KCNV2: variants seen among roughly 807,000 people sequenced by gnomAD.
The protein encoded by KCNV2 is potassium voltage-gated channel modifier subfamily V member 2.
A neutral mutation model predicts 37.0 loss-of-function variants in KCNV2; 65 were observed. The observed-to-expected ratio is 1.76, with a 90% CI of 1.44 to 2.16. KCNV2 has a LOEUF of 2.16. Among genes scored for constraint, KCNV2 ranks in the 30% most tolerant of loss-of-function variants. The pLI is 0.00. For synonymous variants in KCNV2, 518 were observed against 328.6 expected (o/e 1.58, Z -6.23); for missense variants, 1,232 against 766.7 (o/e 1.61, Z -7.17).
At chr9:2,726,636 A>C (rs1284975765) in intron 1 of KCNV2, among the ~76,000 whole-genome samples, 1 of 152,020 alleles carries the variant, frequency 6.6e-6, no homozygotes, top group East Asian at 1.9e-4. Context: ...CCCTTAAGTG[A>C]CTTGTTTCCT....
At position 2,719,112 on chromosome 9, in the gene KCNV2, T is replaced by G. The variant is rs568111360; in HGVS notation, c.1356+17T>G. 3.7e-5 allele frequency: 59 copies of G among 1,605,106 alleles called. 1 individual carries two copies. In the South Asian group the frequency reaches 6.3e-4, roughly 17 times the overall value. ...TGGGCCGCGGTGAGTACCTTTGCCCTGGGCTTTCCCATCCTCTTCCCCAGC... is the reference window on the plus strand; with the variant it reads ...TGGGCCGCGGTGAGTACCTTTGCCCGGGGCTTTCCCATCCTCTTCCCCAGC... On this transcript the variant is annotated intron_variant, in intron 1 of 1. Transcript: ENST00000382082.
Position 2,717,875 on chromosome 9 carries a change from T to C in KCNV2, c.136T>C (p.Trp46Arg), listed in dbSNP as rs140834504. The change falls in exon 1 of 2, where the codon TGG becomes CGG. Residue 46 changes from tryptophan (W) to arginine (R), a missense_variant. Trp to Arg is a moderately radical substitution (Grantham distance 101, BLOSUM62 -3). Transcript: ENST00000382082. ...CGGCTCCCAGGCCAGCATCCACGGC[T>C]GGACAGAGGGCAACTATAACTACTA... ...RSGSQASIHG[W>R]TEGNYNYYIE... 7 of 1,614,044 alleles carry C rather than the reference T, an allele frequency of 4.3e-6. No individual in the cohort carries two copies. The Admixed American group carries it at 6.7e-5, about 15-fold the overall frequency.
Position 2,718,079 on chromosome 9 carries a change from G to T in KCNV2, c.340G>T (p.Glu114Ter). 1.2e-6 allele frequency: 2 copies of T among 1,601,388 alleles called. No homozygotes were observed. The highest frequency in any genetic ancestry group is 1.7e-6 in the Non-Finnish European group (2 of 1,173,700). Residue 114 changes from glutamate to a stop codon, truncating the protein, a stop_gained, in exon 1 of 2, where the codon GAG (glutamate) becomes TAG (stop). Coordinates refer to ENST00000382082, the MANE Select transcript of KCNV2 (RefSeq NM_133497.4). LOFTEE classifies it high-confidence loss of function. ...CCACAGCTACCAGCTGGACTACTGC[G>T]AGCTGGCCGGCTTCCCCAAGACGCG... is the stretch of plus-strand genomic sequence containing the variant. ...GGHSYQLDYC[E>*]LAGFPKTRLG... is the part of the protein sequence containing the mutation.
At chr9:2,724,436 T>C (rs185223960) in intron 1 of KCNV2, among the ~76,000 whole-genome samples, 1 of 152,300 alleles carries the variant, frequency 6.6e-6, no homozygotes. Context: ...AAATAGATAG[T>C]TGTTAGAAGA....
In KCNV2 at chr9:2,717,535, C is replaced by A; in HGVS notation, c.-205C>A. On this transcript the variant is annotated 5_prime_UTR_variant, in exon 1 of 2. Coordinates refer to ENST00000382082, the MANE Select transcript of KCNV2 (RefSeq NM_133497.4). ...AGAGCAGTCAACAGCTGACTGCGTT[C>A]AGACCCTGCAGGCTGGGCTGGCCTG... The A allele has an allele frequency of 1.6e-6, 1 of 616,594 alleles. No individual in the cohort carries two copies. Among genetic ancestry groups the A allele is most frequent in the South Asian group, 1.9e-5 (1 of 51,900 alleles). 38.2% of individuals were successfully genotyped at this position (616,594 alleles called of 1,614,324 possible).
rs374002838 is a variant in KCNV2 at position 2,717,706 on chromosome 9, G to A, written c.-34G>A. The A allele has an allele frequency of 3.1e-6, 5 of 1,613,882 alleles. No homozygotes were observed. The highest frequency in any genetic ancestry group is 1.3e-5 in the African/African-American group (1 of 74,932). ...AGGTGAGGGACCCCTACCACAGCCA[G>A]GAGGAAAAAGCTAGGCGTCCACTTT... On this transcript the variant is annotated 5_prime_UTR_variant, in exon 1 of 2. Coordinates refer to ENST00000382082, the MANE Select transcript of KCNV2 (RefSeq NM_133497.4).
intron 1 of KCNV2, among the ~76,000 whole-genome samples, chr9:2,719,719 A>G (rs12350920): frequency 0.046 from 6,959 of 152,302 alleles, 555 homozygotes; most frequent in African/African-American, 0.16. Context: ...TGAAGTACAG[A>G]GAGTTTGAAT....
At chr9:2,726,472 TTCAC>T (rs2130867161) in intron 1 of KCNV2, among the ~76,000 whole-genome samples, 1 of 152,256 alleles carries the variant, frequency 6.6e-6, no homozygotes, top group African/African-American at 2.4e-5. Context: ...CTTTTGACTT[TTCAC>T]TCAAAGTTCA....
At chr9:2,727,537 T>G (rs113437147) in intron 1 of KCNV2, among the ~76,000 whole-genome samples, 1,999 of 152,214 alleles carry the variant, frequency 0.013, 39 homozygotes, top group African/African-American at 0.046. Flanking sequence ...GGGAGAAGGA[T>G]ATTCTCTACT....
Position 2,717,658 on chromosome 9 carries a change from C to A in KCNV2, c.-82C>A. ...TCTAAGACAGTGCAGGCCACGTGAT[C>A]CATCCTCCTAGAGGCAGTGAGCAGG... On this transcript the variant is annotated 5_prime_UTR_variant, in exon 1 of 2. Coordinates refer to ENST00000382082, the MANE Select transcript of KCNV2 (RefSeq NM_133497.4). 6.3e-7 allele frequency: 1 copy of A among 1,576,358 alleles called. No homozygotes were observed. The highest frequency in any genetic ancestry group is 8.7e-7 in the Non-Finnish European group (1 of 1,147,896).
Position 2,729,863 on chromosome 9 carries a change from C to T in KCNV2, c.*136C>T. The T allele has an allele frequency of 7.9e-6, 7 of 886,210 alleles. No individual in the cohort carries two copies. Among genetic ancestry groups the T allele is most frequent in the Admixed American group, 4.1e-5 (2 of 49,070 alleles). The allele number at this position is 886,210 out of a possible 1,614,324, so 54.9% of individuals were successfully genotyped here. On this transcript the variant is annotated 3_prime_UTR_variant, in exon 2 of 2. Transcript: ENST00000382082. The stretch of plus-strand genomic sequence containing the variant: ...AGGCCATTTCGTTCACAAAGTACTG[C>T]CTCTAGAAATACTCATTTTGGCCCA...
intron 1 of KCNV2, among the ~76,000 whole-genome samples, chr9:2,719,565 G>A (rs1331076209): frequency 6.6e-6 from 1 of 152,104 alleles, no homozygotes; most frequent in East Asian, 1.9e-4. Context: ...GCTGAACCAT[G>A]TTGACTCTAA....
rs774058342 is a variant in KCNV2, at chr9:2,717,777, A to G, written c.38A>G (p.Tyr13Cys). The change falls in exon 1 of 2, where the codon TAC (tyrosine) becomes TGC (cysteine). Residue 13 changes from tyrosine to cysteine, a missense_variant. By Grantham distance (194) the Tyr-to-Cys change is radical. Transcript: ENST00000382082. ...KQSERRRSWSYRPWNTTENEG... is the reference protein window; with the variant it reads ...KQSERRRSWSCRPWNTTENEG... Reference sequence around the variant, plus strand: ...AGTGAGAGGAGACGGTCCTGGAGCTACAGGCCCTGGAACACGACGGAGAAT... The same window carrying G: ...AGTGAGAGGAGACGGTCCTGGAGCTGCAGGCCCTGGAACACGACGGAGAAT... 1.7e-5 allele frequency: 27 copies of G among 1,614,064 alleles called. 1 individual carries two copies. The Admixed American group carries it at 2.0e-4, about 12-fold the overall frequency.
In KCNV2 at chr9:2,730,006, G is replaced by C. The variant is rs746989765; in HGVS notation, c.*279G>C. The C allele has an allele frequency of 4.9e-6, 2 of 404,330 alleles. No homozygotes were observed. Among genetic ancestry groups the C allele is most frequent in the South Asian group, 7.6e-5 (2 of 26,372 alleles). The allele number at this position is 404,330 out of a possible 1,614,324, so 25.0% of individuals were successfully genotyped here. A position where few individuals can be genotyped will look rare whatever the true frequency, so the allele number is the denominator to read the frequency against. On this transcript the variant is annotated 3_prime_UTR_variant, in exon 2 of 2. Coordinates refer to ENST00000382082, the MANE Select transcript of KCNV2 (RefSeq NM_133497.4). ...TAGATTTTTCTTGTAGCTTCTCGTG[G>C]CATCTAGCTCAATAAATATTTTTGG...
At position 2,728,435 on chromosome 9, in the gene KCNV2, A is replaced by C. The variant is rs113399808; in HGVS notation, c.1357-1011A>C. 9.2e-3 allele frequency among the ~76,000 whole-genome samples: 1,407 copies of C among 152,342 alleles called. 19 individuals are homozygous for C. Among genetic ancestry groups the C allele is most frequent in the African/African-American group, 0.032 (1,340 of 41,578 alleles). On this transcript the variant is annotated intron_variant, in intron 1 of 1. Coordinates refer to ENST00000382082, the MANE Select transcript of KCNV2 (RefSeq NM_133497.4). ...AGGGAGTACATGAGGCATAAAAAAC[A>C]GTCCCCAAGGAATTTTCACAGGGTT...
chr9:2,724,565 G>C (rs1311976011), intron 1 of KCNV2, among the ~76,000 whole-genome samples: 1 of 152,216 alleles, frequency 6.6e-6, no homozygotes, highest in African/African-American at 2.4e-5. Context: ...AATGGGAAAA[G>C]GTGTTGCCAC....
chr9:2,722,318 A>T (rs1043969875), intron 1 of KCNV2, among the ~76,000 whole-genome samples: 2 of 130,774 alleles, frequency 1.5e-5, no homozygotes, highest in Non-Finnish European at 3.2e-5. Context: ...GTTATTTATA[A>T]ATAAATTAGA....
rs779220483 is a variant in KCNV2, at chr9:2,717,692, C to T, written c.-48C>T. Reference sequence around the variant, plus strand: ...TAGAGGCAGTGAGCAGGTGAGGGACCCCTACCACAGCCAGGAGGAAAAAGC... The same window carrying T: ...TAGAGGCAGTGAGCAGGTGAGGGACTCCTACCACAGCCAGGAGGAAAAAGC... On this transcript the variant is annotated 5_prime_UTR_variant, in exon 1 of 2. Coordinates refer to ENST00000382082, the MANE Select transcript of KCNV2 (RefSeq NM_133497.4). 2 of 1,613,046 alleles carry T rather than the reference C, an allele frequency of 1.2e-6. No individual in the cohort carries two copies. Among genetic ancestry groups the T allele is most frequent in the South Asian group, 2.2e-5 (2 of 90,870 alleles).
chr9:2,720,178 T>C (rs1819840393), intron 1 of KCNV2, among the ~76,000 whole-genome samples: 1 of 152,238 alleles, frequency 6.6e-6, no homozygotes, highest in African/African-American at 2.4e-5. Flanking sequence ...CATAGTCTGG[T>C]GTGCACTTCT....
Sources: gnomAD v4.1 joint callset for allele counts (sites outside exome capture counted in the v4.1 genomes callset) on GRCh38, gnomAD v4.1.1 for gene constraint, MANE v1.5 for transcripts, NCBI Gene and HGNC (gene_info 2026-07-23, HGNC 2026-07-21) for gene names.